GRM1: variants seen among roughly 807,000 people sequenced by gnomAD.
GRM1 encodes metabotropic glutamate receptor 1.
Under a neutral mutation model 90.9 loss-of-function variants are expected in GRM1, and 33 were observed. That is an observed-to-expected ratio of 0.36 (90% confidence interval 0.28 to 0.49). GRM1 has a LOEUF of 0.49. Ranked by LOEUF, GRM1 falls within the 20% of genes least tolerant of loss-of-function variation. GRM1 has a pLI of 0.99. For missense variants in GRM1, 1,190 were observed against 1,534.3 expected (o/e 0.78, Z 3.75); for synonymous variants, 700 against 613.2 (o/e 1.14, Z -2.09).
At chr6:146,147,483 A>G (rs1777157192) in intron 1 of GRM1, among the ~76,000 whole-genome samples, 2 of 152,248 alleles carry the variant, frequency 1.3e-5, no homozygotes, top group South Asian at 2.1e-4. Flanking sequence ...CCACCGTTTT[A>G]GGATCACAAG....
At chr6:146,286,616 A>G (rs1782773530) in intron 2 of GRM1, among the ~76,000 whole-genome samples, 1 of 152,234 alleles carries the variant, frequency 6.6e-6, no homozygotes, top group Non-Finnish European at 1.5e-5. Context: ...TTTCAGTTAA[A>G]TTACAAATGT....
intron 2 of GRM1, among the ~76,000 whole-genome samples, chr6:146,210,392 A>G (rs1160331898): frequency 6.6e-6 from 1 of 152,234 alleles, no homozygotes; most frequent in Non-Finnish European, 1.5e-5. Flanking sequence ...AAGCAGACAC[A>G]CTGCAAGATG....
chr6:146,399,511 A>G lies in GRM1; in HGVS notation c.2472A>G (p.Thr824=), dbSNP rs1241095124. 2.5e-6 allele frequency: 4 copies of G among 1,614,034 alleles called. No homozygotes were observed. Among genetic ancestry groups the G allele is most frequent in the East Asian group, 4.5e-5 (2 of 44,888 alleles). The part of the protein sequence containing the change: ...TTCFAVSLSV[T]VALGCMFTPK... ...GCTTTGCAGTGAGTCTCAGTGTAAC[A>G]GTGGCTCTGGGGTGCATGTTCACTC... The change falls in exon 7 of 8, where the codon ACA becomes ACG. Residue 824 remains threonine (T), a synonymous_variant. Coordinates refer to ENST00000282753, the MANE Select transcript of GRM1 (RefSeq NM_001278064.2). This position sits in a 1 kb window ranked among gnomAD's most constrained non-coding sequence, Gnocchi z 5.4.
At chr6:146,089,250 A>T (rs1776640418) in intron 1 of GRM1, among the ~76,000 whole-genome samples, 1 of 152,154 alleles carries the variant, frequency 6.6e-6, no homozygotes, top group African/African-American at 2.4e-5. Context: ...TCTCTAGCCA[A>T]GAACCAGCAA....
intron 1 of GRM1, among the ~76,000 whole-genome samples, chr6:146,062,365 G>T (rs964541876): frequency 6.6e-6 from 1 of 151,942 alleles, no homozygotes; most frequent in African/African-American, 2.4e-5. Flanking sequence ...CTAGGGGAGG[G>T]ATAGCATTAG....
chr6:146,073,127 TATA>T (rs535007297), intron 1 of GRM1, among the ~76,000 whole-genome samples: 4 of 152,242 alleles, frequency 2.6e-5, no homozygotes, highest in South Asian at 2.1e-4. Flanking sequence ...ATGTAATAAT[TATA>T]ATAACATATC....
chr6:146,259,268 C>G (rs1237044613), intron 2 of GRM1, among the ~76,000 whole-genome samples: 1 of 151,980 alleles, frequency 6.6e-6, no homozygotes, highest in Non-Finnish European at 1.5e-5. Context: ...TGTGTTTTTC[C>G]TCTCTCAGTG....
intron 1 of GRM1, among the ~76,000 whole-genome samples, chr6:146,155,459 C>T (rs1777490234): frequency 6.6e-6 from 1 of 152,110 alleles, no homozygotes; most frequent in Non-Finnish European, 1.5e-5. Flanking sequence ...AATGTTTGTA[C>T]AATGACAAAA....
chr6:146,129,411 G>A (rs1776309923), intron 1 of GRM1, among the ~76,000 whole-genome samples: 1 of 152,098 alleles, frequency 6.6e-6, no homozygotes, highest in Non-Finnish European at 1.5e-5. Context: ...TATGTTTGCG[G>A]CAGGGAAATC....
rs554244022 is a variant in GRM1 at position 146,107,926 on chromosome 6, G to A, written c.701-51422G>A. 7.2e-5 allele frequency among the ~76,000 whole-genome samples: 11 copies of A among 151,984 alleles called. No individual in the cohort carries two copies. The South Asian group carries it at 2.1e-3, about 29-fold the overall frequency. ...TGAAATTATTTACTTATATCAGCTGGCATTAATTGTTTTCTACTATCTATC... is the reference window on the plus strand; with the variant it reads ...TGAAATTATTTACTTATATCAGCTGACATTAATTGTTTTCTACTATCTATC... On this transcript the variant is annotated intron_variant, in intron 1 of 7. Transcript: ENST00000282753.
At chr6:146,100,602 A>G (rs1315309814) in intron 1 of GRM1, among the ~76,000 whole-genome samples, 1 of 152,220 alleles carries the variant, frequency 6.6e-6, no homozygotes, top group Non-Finnish European at 1.5e-5. Flanking sequence ...TCTTTGGTCT[A>G]AATATCTATT....
intron 1 of GRM1, among the ~76,000 whole-genome samples, chr6:146,134,053 G>A (rs919993844): frequency 6.6e-6 from 1 of 152,178 alleles, no homozygotes; most frequent in African/African-American, 2.4e-5. Context: ...CATTGACTTG[G>A]GCTTGCCCAG....
intron 7 of GRM1, among the ~76,000 whole-genome samples, chr6:146,403,427 A>T (rs932872135): frequency 7.2e-5 from 11 of 152,116 alleles, no homozygotes; most frequent in Non-Finnish European, 1.3e-4. Context: ...TTCCTCCCTA[A>T]AGGCATCAGA....
At chr6:146,046,982 G>A (rs993517410) in intron 1 of GRM1, among the ~76,000 whole-genome samples, 8 of 151,964 alleles carry the variant, frequency 5.3e-5, no homozygotes, top group African/African-American at 1.9e-4. Flanking sequence ...CAAATGCAGA[G>A]CTATATGGAA....
intron 2 of GRM1, among the ~76,000 whole-genome samples, chr6:146,223,832 A>G (rs572488147): frequency 3.5e-4 from 53 of 152,228 alleles, no homozygotes; most frequent in African/African-American, 1.2e-3. Context: ...TAGATGTTGT[A>G]CCCATTATAA....
chr6:146,282,036 A>T (rs1782585431), intron 2 of GRM1, among the ~76,000 whole-genome samples: 2 of 152,142 alleles, frequency 1.3e-5, no homozygotes, highest in South Asian at 2.1e-4. Context: ...GCTGCTTGGG[A>T]ATCATAAACA....
chr6:146,370,536 A>G (rs556007484), intron 5 of GRM1, among the ~76,000 whole-genome samples: 1 of 152,208 alleles, frequency 6.6e-6, no homozygotes, highest in African/African-American at 2.4e-5. Context: ...TCCATTGTAT[A>G]AGATTTTTGA....
intron 1 of GRM1, among the ~76,000 whole-genome samples, chr6:146,152,217 T>A (rs755777414): frequency 3.9e-5 from 6 of 152,112 alleles, no homozygotes; most frequent in Non-Finnish European, 8.8e-5. Flanking sequence ...AACCTTCTGC[T>A]CCAGTGGTTC....
At chr6:146,078,529 T>A (rs1036930212) in intron 1 of GRM1, among the ~76,000 whole-genome samples, 3 of 152,162 alleles carry the variant, frequency 2.0e-5, no homozygotes, top group East Asian at 3.9e-4. Flanking sequence ...TTAAAGAAGA[T>A]GAAGGAGATG....
Sources: allele counts gnomAD v4.1 joint callset (sites outside exome capture counted in the v4.1 genomes callset), GRCh38; gene constraint gnomAD v4.1.1; non-coding constraint Gnocchi (gnomAD v3.1); transcripts MANE v1.5; gene names NCBI Gene and HGNC (gene_info 2026-07-23, HGNC 2026-07-21).